The following ANKRD17 variants were observed in gnomAD, a reference collection of about 807,000 sequenced individuals.
ANKRD17 encodes the protein ankyrin repeat domain-containing protein 17.
ANKRD17 carries 19 observed loss-of-function variants against 229.7 expected under a neutral mutation model. The ratio of observed to expected loss-of-function variants is 0.08; its 90% CI spans 0.06 to 0.12. ANKRD17 has a LOEUF of 0.12. Among genes scored for constraint, ANKRD17 ranks in the 10% least tolerant of loss-of-function variants. The probability of loss-of-function intolerance (pLI) is 1.00; values close to 1 mark genes in which losing one functional copy is unlikely to be tolerated. For synonymous variants in ANKRD17, 1,112 were observed against 1,146.1 expected (o/e 0.97, Z 0.60); for missense variants, 2,176 against 3,176.8 (o/e 0.68, Z 7.57).
chr4:73,075,755 C>T lies in ANKRD17; in HGVS notation c.*476G>A, dbSNP rs1720954744. 2 of 152,804 alleles carry T rather than the reference C, an allele frequency of 1.3e-5. 1 individual carries two copies. Among genetic ancestry groups the T allele is most frequent in the Admixed American group, 1.3e-4 (2 of 15,276 alleles). 9.5% of individuals were successfully genotyped at this position (152,804 alleles called of 1,614,324 possible). ...TCTGAATATGAAGGTACATATCTCA[C>T]ATTAATTTAAGTCTACATAAAGTAG... On this transcript the variant is annotated 3_prime_UTR_variant, in exon 34 of 34. Transcript: ENST00000358602.
chr4:73,111,625 G>A (rs1441384914), intron 24 of ANKRD17, among the ~76,000 whole-genome samples: 1 of 151,978 alleles, frequency 6.6e-6, no homozygotes, highest in Non-Finnish European at 1.5e-5. Flanking sequence ...TATGTATAAG[G>A]GTGTTTATTA....
Position 73,140,132 on chromosome 4 carries a change from C to T in ANKRD17, c.2484G>A (p.Lys828=). 6.2e-7 allele frequency: 1 copy of T among 1,614,196 alleles called. No homozygotes were observed. The highest frequency in any genetic ancestry group is 1.3e-5 in the African/African-American group (1 of 75,058). Reference sequence around the variant, plus strand: ...GTTCCAAGGACTGCAGCTGTGCATTCTTTTCTATGGCTTCTTTTATCCTCT... The same window carrying T: ...GTTCCAAGGACTGCAGCTGTGCATTTTTTTCTATGGCTTCTTTTATCCTCT... The part of the protein sequence containing the change: ...LEQRIKEAIE[K]NAQLQSLELA... The change falls in exon 15 of 34, where the codon AAG becomes AAA. Residue 828 remains lysine, a synonymous_variant. Transcript: ENST00000358602.
chr4:73,098,362 G>A lies in ANKRD17; in HGVS notation c.4732C>T (p.Pro1578Ser), dbSNP rs1723552532. ...KRKNRKNKIT[P>S]ENVQIIFDDP... The stretch of plus-strand genomic sequence containing the variant: ...TCAAATATAATTTGAACGTTTTCTG[G>A]AGTAATTTTATTTTTCCTGTTTTTC... Residue 1578 changes from proline (P) to serine (S), a missense_variant, in exon 26 of 34, where the codon CCA (proline) becomes TCA (serine). Coordinates refer to ENST00000358602, the MANE Select transcript of ANKRD17 (RefSeq NM_032217.5). The A allele has an allele frequency of 1.9e-6, 3 of 1,614,020 alleles. No homozygotes were observed. In the African/African-American group the frequency reaches 4.0e-5, roughly 22 times the overall value.
intron 3 of ANKRD17, among the ~76,000 whole-genome samples, chr4:73,158,190 G>GAAAGAAAGAAAGAA (rs1560618018): frequency 1.5e-4 from 13 of 87,952 alleles, no homozygotes; most frequent in South Asian, 4.6e-4. Flanking sequence ...GAAAGAAAGA[G>GAAAGAAAGAAAGAA]AGAGAAAGAA....
intron 24 of ANKRD17, among the ~76,000 whole-genome samples, chr4:73,108,686 T>C (rs1724932413): frequency 6.6e-6 from 1 of 152,140 alleles, no homozygotes; most frequent in South Asian, 2.1e-4. Context: ...TTTAGTGAGT[T>C]GTGGGAGTTG....
intron 1 of ANKRD17, among the ~76,000 whole-genome samples, chr4:73,231,887 C>T (rs779934248): frequency 6.6e-5 from 10 of 152,134 alleles, no homozygotes; most frequent in Non-Finnish European, 1.3e-4. Flanking sequence ...AAGGACAGGG[C>T]GTGAAGGGCT....
At chr4:73,210,576 T>C (rs1175777843) in intron 1 of ANKRD17, among the ~76,000 whole-genome samples, 1 of 152,178 alleles carries the variant, frequency 6.6e-6, no homozygotes, top group Non-Finnish European at 1.5e-5. Context: ...TGTTCTAAAT[T>C]TTATTGTTGA....
intron 1 of ANKRD17, among the ~76,000 whole-genome samples, chr4:73,182,457 T>C (rs570427301): frequency 2.6e-5 from 4 of 152,196 alleles, no homozygotes; most frequent in Non-Finnish European, 5.9e-5. Flanking sequence ...TCCAATTAAC[T>C]AGCTCAATAT....
chr4:73,142,018 A>T (rs1729676380), intron 13 of ANKRD17, among the ~76,000 whole-genome samples, 175 bp from the exon 14 acceptor site: 1 of 152,176 alleles, frequency 6.6e-6, no homozygotes, highest in Non-Finnish European at 1.5e-5. Context: ...GACATTTTTT[A>T]GTAGGCTTTG....
chr4:73,202,425 G>A (rs1738800823), intron 1 of ANKRD17, among the ~76,000 whole-genome samples: 2 of 151,322 alleles, frequency 1.3e-5, no homozygotes, highest in Admixed American at 6.6e-5. Context: ...AAAACGTGGG[G>A]GCAGAAAACT....
intron 1 of ANKRD17, among the ~76,000 whole-genome samples, chr4:73,246,875 A>T (rs1349964652): frequency 6.6e-6 from 1 of 152,170 alleles, no homozygotes; most frequent in East Asian, 1.9e-4. Context: ...ATCCAAAAAG[A>T]GATCCATGTA....
At chr4:73,184,150 C>A (rs565209763) in intron 1 of ANKRD17, among the ~76,000 whole-genome samples, 1 of 152,194 alleles carries the variant, frequency 6.6e-6, no homozygotes, top group African/African-American at 2.4e-5. Flanking sequence ...AACTACTCCT[C>A]AAGTTAGAAA....
At chr4:73,191,337 A>ATGTGTGTGTGTGTGTGTGTG (rs1349894740) in intron 1 of ANKRD17, among the ~76,000 whole-genome samples, 12 of 61,938 alleles carry the variant, frequency 1.9e-4, no homozygotes, top group African/African-American at 7.7e-4. Flanking sequence ...ACCAAAAAAT[A>ATGTGTGTGTGTGTGTGTGTG]TATATGTGTG....
intron 24 of ANKRD17, among the ~76,000 whole-genome samples, chr4:73,106,502 C>A (rs1724640482): frequency 1.3e-5 from 2 of 152,036 alleles, no homozygotes; most frequent in Non-Finnish European, 2.9e-5. Flanking sequence ...GAGAGAAGAC[C>A]TGAATGTTTA....
chr4:73,202,038 T>C (rs927103582), intron 1 of ANKRD17, among the ~76,000 whole-genome samples: 4 of 152,146 alleles, frequency 2.6e-5, no homozygotes, highest in African/African-American at 9.7e-5. Context: ...TGTGGCACTT[T>C]ATTAGCCATG....
chr4:73,227,299 GC>G, intron 1 of ANKRD17, among the ~76,000 whole-genome samples: 1 of 152,084 alleles, frequency 6.6e-6, no homozygotes, highest in East Asian at 1.9e-4. Flanking sequence ...GATTACAGGC[GC>G]CCACCACCAC....
chr4:73,244,237 T>C (rs1304517470), intron 1 of ANKRD17, among the ~76,000 whole-genome samples: 3 of 152,264 alleles, frequency 2.0e-5, no homozygotes, highest in African/African-American at 7.2e-5. Context: ...TCTGAAATAC[T>C]TGGGGTTAGG....
chr4:73,182,125 G>C (rs77453262), intron 1 of ANKRD17, among the ~76,000 whole-genome samples: 2,662 of 119,638 alleles, frequency 0.022, 79 homozygotes, highest in African/African-American at 0.078. Context: ...TATTTTATTT[G>C]AATGAAATAT....
At chr4:73,147,004 G>A in intron 9 of ANKRD17, 131 bp from the exon 10 acceptor site, 1 of 811,376 alleles carries the variant, frequency 1.2e-6, no homozygotes, top group Non-Finnish European at 1.9e-6. Context: ...CTCATTTCCA[G>A]AAACAGAGAA....
Sources: allele counts gnomAD v4.1 joint callset (sites outside exome capture counted in the v4.1 genomes callset), GRCh38; gene constraint gnomAD v4.1.1; transcripts MANE v1.5; gene names NCBI Gene and HGNC (gene_info 2026-07-23, HGNC 2026-07-21).